The following FLNA variants were observed in gnomAD, a reference collection of about 807,000 sequenced individuals.
The protein encoded by FLNA is filamin-A.
A neutral mutation model predicts 157.6 loss-of-function variants in FLNA; 7 were observed. The observed-to-expected ratio is 0.04, with a 90% CI of 0.03 to 0.08. The LOEUF is 0.08. FLNA is among the 10% of genes least tolerant of loss of function. FLNA has a pLI of 1.00. For synonymous variants in FLNA, 1,103 were observed against 1,060.8 expected, an observed-to-expected ratio of 1.04 and a Z score of -0.77; for missense variants, 1,750 against 2,398.4, an observed-to-expected ratio of 0.73 and a Z score of 5.65.
rs1259333622 is a variant in FLNA at position 154,350,889 on chromosome X, G to A, written c.7156+20C>T. 3.3e-6 allele frequency: 4 copies of A among 1,207,379 alleles called. No individual in the cohort carries two copies. Among genetic ancestry groups the A allele is most frequent in the South Asian group, 3.5e-5 (2 of 56,832 alleles). ...TTCCAGCCAGCAGGGCAGGGCGGCCGGGCAGGGACAGGGCCTCACCTTGGT... is the reference window on the plus strand; with the variant it reads ...TTCCAGCCAGCAGGGCAGGGCGGCCAGGCAGGGACAGGGCCTCACCTTGGT... On this transcript the variant is annotated intron_variant, in intron 44 of 47. Coordinates refer to ENST00000369850, the MANE Select transcript of FLNA (RefSeq NM_001110556.2).
intron 2 of FLNA, 48 bp from the exon 3 acceptor site, chrX:154,368,138 G>A: frequency 2.5e-6 from 3 of 1,209,118 alleles, no homozygotes; most frequent in Non-Finnish European, 3.4e-6. Flanking sequence ...GTGCGGGAGG[G>A]GCCGATCCCA....
Position 154,361,395 on chromosome X carries a change from G to C in FLNA, c.3120C>G (p.Pro1040=), listed in dbSNP as rs782814092. The C allele has an allele frequency of 4.1e-6, 5 of 1,208,465 alleles. No individual in the cohort carries two copies. The African/African-American group carries it at 7.0e-5, about 17-fold the overall frequency. ...CGTCATAGGTCACCTCCACCTCATA[G>C]GGCCCTTCCTCACGGGGCAGGAAGC... The part of the protein sequence containing the change: ...VVRFLPREEG[P]YEVEVTYDGV... The change falls in exon 21 of 48, where the codon CCC becomes CCG. Residue 1040 remains proline (P), a synonymous_variant. Coordinates refer to ENST00000369850, the MANE Select transcript of FLNA (RefSeq NM_001110556.2).
intron 3 of FLNA, 24 bp from the exon 4 acceptor site, chrX:154,367,762 G>A: frequency 8.3e-7 from 1 of 1,210,693 alleles, no homozygotes; most frequent in Non-Finnish European, 1.1e-6. Flanking sequence ...GAGGCTGTGA[G>A]TCTGGGGGCC....
At chrX:154,350,782 C>T (rs2067612817) in intron 44 of FLNA, 127 bp downstream of exon 44, 1 of 774,964 alleles carries the variant, frequency 1.3e-6, no homozygotes, top group African/African-American at 2.0e-5. Context: ...GAAAGGGTTG[C>T]CTGGCTTAGG....
At chrX:154,357,713 C>CT (rs1406910912) in intron 28 of FLNA, 90 bp from the exon 29 acceptor site, 2 of 844,534 alleles carry the variant, frequency 2.4e-6, no homozygotes, top group Non-Finnish European at 3.5e-6. Flanking sequence ...AGCGCTGCTG[C>CT]TACAGGGACA....
At chrX:154,372,403 C>CA (rs1206083866) in intron 1 of FLNA, among the ~76,000 whole-genome samples, 2 of 112,100 alleles carry the variant, frequency 1.8e-5, no homozygotes, top group African/African-American at 6.5e-5. Flanking sequence ...TAAGACTTGT[C>CA]AGGCTCTGAG....
At chrX:154,359,679 C>G in intron 23 of FLNA, 33 bp from the exon 24 acceptor site, 1 of 1,210,638 alleles carries the variant, frequency 8.3e-7, no homozygotes, top group Middle Eastern at 2.3e-4. Flanking sequence ...AGGAGGAGCC[C>G]GGGCCACCCC....
intron 2 of FLNA, among the ~76,000 whole-genome samples, chrX:154,368,437 C>G (rs2067779784): frequency 8.9e-6 from 1 of 112,579 alleles, no homozygotes; most frequent in Admixed American, 9.3e-5. Context: ...GTGTCCACAG[C>G]TGCCAGAGCA....
At chrX:154,356,375 C>T (rs1189019742) in intron 30 of FLNA, among the ~76,000 whole-genome samples, 1 of 112,007 alleles carries the variant, frequency 8.9e-6, no homozygotes, top group African/African-American at 3.2e-5. Context: ...TTGCTCCCAC[C>T]CTCAAAGCCC....
Position 154,358,462 on chromosome X carries a change from A to G in FLNA, c.4581T>C (p.Asp1527=). 8.3e-7 allele frequency: 1 copy of G among 1,210,723 alleles called. No individual in the cohort carries two copies. The highest frequency in any genetic ancestry group is 1.1e-6 in the Non-Finnish European group (1 of 895,164). ...GPYSISVLYG[D]EEVPRSPFKV... is the part of the protein sequence containing the mutation. ...CCTCTTACCTCCGGGGTACCTCTTC[A>G]TCTCCATACAGTACTGAGATGCTGT... is the stretch of plus-strand genomic sequence containing the variant. The change falls in exon 27 of 48, where the codon GAT becomes GAC. Residue 1527 remains aspartate, a synonymous_variant. Transcript: ENST00000369850.
In FLNA at chrX:154,365,168, G is replaced by A. The variant is rs2067747250; in HGVS notation, c.1659C>T (p.Thr553=). The A allele has an allele frequency of 2.5e-6, 3 of 1,211,773 alleles. No individual in the cohort carries two copies. In the South Asian group the frequency reaches 5.3e-5, roughly 21 times the overall value. The change falls in exon 11 of 48, where the codon ACC becomes ACT. Residue 553 remains threonine (T), a synonymous_variant. Transcript: ENST00000369850. The stretch of plus-strand genomic sequence containing the variant: ...CGATGTTCTGACCACCCCACGTGAT[G>A]GTGACGATATAGGTTCCAGGGACCA... ...YPMVPGTYIV[T]ITWGGQNIGR... is the part of the protein sequence containing the mutation.
intron 21 of FLNA, among the ~76,000 whole-genome samples, chrX:154,361,084 G>GAAAGA (rs2067705843): frequency 7.6e-5 from 4 of 52,497 alleles, no homozygotes; most frequent in African/African-American, 3.1e-4. Flanking sequence ...AAAAAAGAAA[G>GAAAGA]AAAAAAAAAA....
rs782685367 is a variant in FLNA at position 154,352,948 on chromosome X, C to T, written c.6227-24G>A. On this transcript the variant is annotated intron_variant, in intron 38 of 47. Transcript: ENST00000369850. ...GCCTAGGGGATGGATACCCCTGAGC[C>T]TCGGTGCTATGCACAGTGCTCCCGC... 2.5e-6 allele frequency: 3 copies of T among 1,211,392 alleles called. No homozygotes were observed. In the South Asian group the frequency reaches 5.3e-5, roughly 21 times the overall value.
intron 9 of FLNA, 107 bp downstream of exon 9, chrX:154,365,917 G>T: frequency 1.4e-6 from 1 of 725,379 alleles, no homozygotes; most frequent in Non-Finnish European, 2.0e-6. Context: ...AGCTCAAAGA[G>T]TAGGGGCCCC....
rs782376419 is a variant in FLNA, at chrX:154,365,162, C to T, written c.1665G>A (p.Thr555=). The change falls in exon 11 of 48, where the codon ACG becomes ACA. Residue 555 remains threonine, a synonymous_variant. Transcript: ENST00000369850. ...TGCGCCCGATGTTCTGACCACCCCACGTGATGGTGACGATATAGGTTCCAG... is the reference window on the plus strand; with the variant it reads ...TGCGCCCGATGTTCTGACCACCCCATGTGATGGTGACGATATAGGTTCCAG... ...MVPGTYIVTI[T]WGGQNIGRSP... is the part of the protein sequence containing the mutation. 5.3e-5 allele frequency: 64 copies of T among 1,210,109 alleles called. No homozygotes were observed. The highest frequency in any genetic ancestry group is 1.2e-4 in the South Asian group (7 of 56,889).
rs782402900 is a variant in FLNA at position 154,362,456 on chromosome X, C to T, written c.2527G>A (p.Ala843Thr). Residue 843 changes from alanine to threonine, a missense_variant, in exon 17 of 48, where the codon GCT becomes ACT. By Grantham distance (58) the Ala-to-Thr change is moderately conservative. Coordinates refer to ENST00000369850, the MANE Select transcript of FLNA (RefSeq NM_001110556.2). The part of the protein sequence containing the change: ...TFTVKYTPRG[A>T]GSYTIMVLFA... ...AGGACCATAATGGTGTAGCTGCCAGCCCCCCGGGGCGTGTACTTGACCGTG... is the reference window on the plus strand; with the variant it reads ...AGGACCATAATGGTGTAGCTGCCAGTCCCCCGGGGCGTGTACTTGACCGTG... 7 of 1,210,071 alleles carry T rather than the reference C, an allele frequency of 5.8e-6. No homozygotes were observed. The highest frequency in any genetic ancestry group is 1.7e-5 in the African/African-American group (1 of 57,406).
rs377518545 is a variant in FLNA at position 154,349,380 on chromosome X, C to T, written c.7738G>A (p.Val2580Ile). Reference protein sequence around the residue: ...AYVGQKSSFTVDCSKAGNNML... With the variant: ...AYVGQKSSFTIDCSKAGNNML... ...TGCCCACCTGCTTTGCTGCAGTCTA[C>T]TGTGAAGCTGCTCTTCTGGCCTACG... The change falls in exon 47 of 48, where the codon GTA becomes ATA. Residue 2580 changes from valine (V) to isoleucine (I), a missense_variant. Physicochemically the swap from Val to Ile is conservative, Grantham distance 29. Transcript: ENST00000369850. 9 of 1,210,913 alleles carry T rather than the reference C, an allele frequency of 7.4e-6. No homozygotes were observed. The highest frequency in any genetic ancestry group is 4.3e-5 in the Admixed American group (2 of 46,096).
At position 154,367,588 on chromosome X, in the gene FLNA, T is replaced by C. The variant is rs2067771864; in HGVS notation, c.721-44A>G. The C allele has an allele frequency of 1.3e-5, 16 of 1,209,400 alleles. No homozygotes were observed. The South Asian group carries it at 2.6e-4, about 20-fold the overall frequency. On this transcript the variant is annotated intron_variant, in intron 4 of 47. Transcript: ENST00000369850. ...AGGAGCCATCGGGCCTCCGAGTCTC[T>C]CCCAACTGCCGATCCGGTCCCCTAC...
At chrX:154,369,108 G>GC (rs1171722867) in intron 2 of FLNA, among the ~76,000 whole-genome samples, 5 of 112,550 alleles carry the variant, frequency 4.4e-5, no homozygotes, top group South Asian at 3.6e-4. Context: ...TAGGGGGCGG[G>GC]CCTATGAGGA....
Sources: allele counts gnomAD v4.1 joint callset (sites outside exome capture counted in the v4.1 genomes callset), GRCh38; gene constraint gnomAD v4.1.1; transcripts MANE v1.5; gene names NCBI Gene and HGNC (gene_info 2026-07-23, HGNC 2026-07-21).